Variants in SHANK1 observed in about 807,000 individuals in gnomAD.
SHANK1 encodes the protein SH3 and multiple ankyrin repeat domains 1.
SHANK1 carries 35 observed loss-of-function variants against 165.6 expected under a neutral mutation model. The ratio of observed to expected loss-of-function variants is 0.21; its 90% CI spans 0.16 to 0.28. The LOEUF (loss-of-function observed/expected upper bound fraction) is 0.28, where lower values mean the gene tolerates loss of function less well. Among genes scored for constraint, SHANK1 ranks in the 10% least tolerant of loss-of-function variants. The pLI is 1.00. For missense variants in SHANK1, 2,681 were observed against 3,036.4 expected (o/e 0.88, Z 2.75); for synonymous variants, 1,428 against 1,384.8 (o/e 1.03, Z -0.69).
At chr19:50,692,379 A>G (rs1223251162) in intron 15 of SHANK1, among the ~76,000 whole-genome samples, 2 of 151,560 alleles carry the variant, frequency 1.3e-5, no homozygotes, top group African/African-American at 4.9e-5. Flanking sequence ...TAAATGGGGA[A>G]ACCGAGGCAC....
At chr19:50,681,887 T>C (rs1034344930) in intron 21 of SHANK1, among the ~76,000 whole-genome samples, 4 of 152,096 alleles carry the variant, frequency 2.6e-5, no homozygotes, top group Non-Finnish European at 4.4e-5. Context: ...TCCTCCCACC[T>C]CGGCACACAC....
chr19:50,697,631 C>T lies in SHANK1; in HGVS notation c.1895G>A (p.Arg632Gln), dbSNP rs767742502. 6.2e-7 allele frequency: 1 copy of T among 1,613,992 alleles called. No homozygotes were observed. The highest frequency in any genetic ancestry group is 2.2e-5 in the East Asian group (1 of 44,884). Reference protein sequence around the residue: ...SRSDKAKRLFRHYTVGSYDSF... With the variant: ...SRSDKAKRLFQHYTVGSYDSF... Reference sequence around the variant, plus strand: ...GTCGTAGGAGCCCACGGTATAATGCCGGAAGAGTCTCTTTGCCTTGTCACT... The same window carrying T: ...GTCGTAGGAGCCCACGGTATAATGCTGGAAGAGTCTCTTTGCCTTGTCACT... The change falls in exon 14 of 24, where the codon CGG becomes CAG. Residue 632 changes from arginine to glutamine, a missense_variant. By Grantham distance (43) the Arg-to-Gln change is conservative. Transcript: ENST00000293441. The surrounding 1 kb of genome is among the most constrained non-coding windows in gnomAD (Gnocchi z 4.7).
Position 50,668,003 on chromosome 19 carries a change from G to C in SHANK1, c.3957C>G (p.Ala1319=). The change falls in exon 23 of 24, where the codon GCC becomes GCG. Residue 1319 remains alanine (A), a synonymous_variant. Coordinates refer to ENST00000293441, the MANE Select transcript of SHANK1 (RefSeq NM_016148.5). ...GYGGYGAGSR[A]YGGGGGSSAF... ...CGCTGCTGCCCCCGCCACCCCCGTA[G>C]GCTCGGCTACCGGCCCCGTAGCCGC... The C allele has an allele frequency of 4.1e-6, 6 of 1,473,996 alleles. No individual in the cohort carries two copies. Among genetic ancestry groups the C allele is most frequent in the Non-Finnish European group, 5.4e-6 (6 of 1,118,320 alleles). The allele number at this position is 1,473,996 out of a possible 1,614,324, so 91.3% of individuals were successfully genotyped here.
In SHANK1 at chr19:50,713,498, G is replaced by T. The variant is rs1430884191; in HGVS notation, c.792+300C>A. Among the ~76,000 whole-genome samples the T allele has an allele frequency of 6.6e-6, 1 of 152,056 alleles. No individual in the cohort carries two copies. The highest frequency in any genetic ancestry group is 1.5e-5 in the Non-Finnish European group (1 of 68,000). ...GGAATGAGAAGGGTTTACACCTTGG[G>T]GAGACAGAGGCAGATTTGGTATTAA... On this transcript the variant is annotated intron_variant, in intron 6 of 23. Coordinates refer to ENST00000293441, the MANE Select transcript of SHANK1 (RefSeq NM_016148.5). This position sits in a 1 kb window ranked among gnomAD's most constrained non-coding sequence, Gnocchi z 6.2.
chr19:50,682,674 G>T (rs954545795), intron 21 of SHANK1, among the ~76,000 whole-genome samples: 3 of 152,132 alleles, frequency 2.0e-5, no homozygotes, highest in South Asian at 4.1e-4. Context: ...ATACAGACTG[G>T]GGGGAGGCAT....
At chr19:50,703,284 CCCTGTCCTGGA>C (rs909653774) in intron 11 of SHANK1, among the ~76,000 whole-genome samples, 4 of 152,220 alleles carry the variant, frequency 2.6e-5, no homozygotes, top group African/African-American at 9.6e-5. Flanking sequence ...TGCCTGGGGC[CCCTGTCCTGGA>C]GCAGACATCC....
In SHANK1 at chr19:50,668,734, A is replaced by G. The variant is rs866475971; in HGVS notation, c.3226T>C (p.Ser1076Pro). ...HHGSAGGGGG[S>P]SQGPALRYFQ... The stretch of plus-strand genomic sequence containing the variant: ...TAGCGTAGAGCCGGGCCCTGGGAGG[A>G]GCCGCCGCCCCCGCCCGCGCTGCCG... Residue 1076 changes from serine (S) to proline (P), a missense_variant, in exon 23 of 24, where the codon TCC (serine) becomes CCC (proline). Physicochemically the swap from Ser to Pro is moderately conservative, Grantham distance 74. Around this residue, in one of 10 missense-constraint regions of SHANK1, gnomAD observed 1,713 missense variants for 1,630.2 expected, o/e 1.05. Transcript: ENST00000293441. 5.3e-5 allele frequency: 68 copies of G among 1,271,982 alleles called. No homozygotes were observed. The Middle Eastern group carries it at 2.1e-3, about 39-fold the overall frequency. 78.8% of individuals were successfully genotyped at this position (1,271,982 alleles called of 1,614,324 possible).
At chr19:50,700,157 G>A (rs527457963) in intron 12 of SHANK1, among the ~76,000 whole-genome samples, 26 of 139,496 alleles carry the variant, frequency 1.9e-4, no homozygotes, top group Non-Finnish European at 2.3e-4. Context: ...TGGAAGGCTC[G>A]GGCACTGGAA....
At position 50,666,540 on chromosome 19, in the gene SHANK1, G is replaced by C. The variant is rs184259943; in HGVS notation, c.5420C>G (p.Pro1807Arg). 1 of 1,595,976 alleles carries C rather than the reference G, an allele frequency of 6.3e-7. No homozygotes were observed. The highest frequency in any genetic ancestry group is 8.5e-7 in the Non-Finnish European group (1 of 1,173,818). ...CGGACCCCCCGCCACGCCTGCCGTG[G>C]GGGGTCCTGAACAAGCACGCAGGGC... ...LLALRACSGPPTAGVAGGPVA... is the reference protein window; with the variant it reads ...LLALRACSGPRTAGVAGGPVA... The change falls in exon 23 of 24, where the codon CCC becomes CGC. Residue 1807 changes from proline (P) to arginine (R), a missense_variant. Physicochemically the swap from Pro to Arg is moderately radical, Grantham distance 103. This residue lies in a region of SHANK1 where 1,713 missense variants were observed against 1,630.2 expected (regional missense o/e 1.05). Coordinates refer to ENST00000293441, the MANE Select transcript of SHANK1 (RefSeq NM_016148.5).
chr19:50,678,190 G>A (rs1986040821), intron 21 of SHANK1, among the ~76,000 whole-genome samples: 1 of 152,184 alleles, frequency 6.6e-6, no homozygotes, highest in South Asian at 2.1e-4. Context: ...CGAGTAAGGA[G>A]GAGATTCAAG....
intron 21 of SHANK1, among the ~76,000 whole-genome samples, chr19:50,679,536 C>T (rs1264462718): frequency 1.3e-5 from 2 of 152,144 alleles, no homozygotes; most frequent in Admixed American, 6.5e-5. Context: ...GCAGAAGGGA[C>T]AGCCAATCAG....
chr19:50,661,794 G>C lies in SHANK1; in HGVS notation c.*171C>G, dbSNP rs1322019381. The C allele has an allele frequency of 4.6e-6, 3 of 658,756 alleles. No homozygotes were observed. The African/African-American group carries it at 5.5e-5, about 12-fold the overall frequency. 40.8% of individuals were successfully genotyped at this position (658,756 alleles called of 1,614,324 possible). On this transcript the variant is annotated 3_prime_UTR_variant, in exon 24 of 24. Transcript: ENST00000293441. ...TGCCCCCCTTCAGTGAGGTGCAAAT[G>C]TCCGGCCTGGATTGGGCCACCTGGT...
Position 50,716,183 on chromosome 19 carries a change from T to G in SHANK1, c.459+92A>C. 8.1e-7 allele frequency: 1 copy of G among 1,234,202 alleles called. No homozygotes were observed. Among genetic ancestry groups the G allele is most frequent in the Non-Finnish European group, 1.2e-6 (1 of 849,558 alleles). The allele number at this position is 1,234,202 out of a possible 1,614,324, so 76.5% of individuals were successfully genotyped here. A position where few individuals can be genotyped will look rare whatever the true frequency, so the allele number is the denominator to read the frequency against. ...ACTCGCACACTGGGTGCCCCCTCGT[T>G]AAGGTTTCGAGTGTGTTAAAAAGTG... On this transcript the variant is annotated intron_variant, in intron 3 of 23. Transcript: ENST00000293441. The surrounding 1 kb of genome is among the most constrained non-coding windows in gnomAD (Gnocchi z 8.4).
chr19:50,685,066 A>G (rs1266797741), intron 21 of SHANK1, among the ~76,000 whole-genome samples: 3 of 152,228 alleles, frequency 2.0e-5, no homozygotes, highest in Admixed American at 6.5e-5. Flanking sequence ...CCTGACCACT[A>G]CGTGGTGGAT....
rs1177069210 is a variant in SHANK1, at chr19:50,669,188, G to A, written c.2772C>T (p.Pro924=). Reference sequence around the variant, plus strand: ...AGGGAGGCTCCGGTGGGGACGTGGTGGGTGGCGGGGGAATGTCCTCCGAAC... The same window carrying A: ...AGGGAGGCTCCGGTGGGGACGTGGTAGGTGGCGGGGGAATGTCCTCCGAAC... ...VPGSEDIPPP[P]TTSPPEPPYS... The change falls in exon 23 of 24, where the codon CCC becomes CCT. Residue 924 remains proline (P), a synonymous_variant. Transcript: ENST00000293441. 1 of 1,606,200 alleles carries A rather than the reference G, an allele frequency of 6.2e-7. No homozygotes were observed. The highest frequency in any genetic ancestry group is 8.5e-7 in the Non-Finnish European group (1 of 1,176,410).
intron 18 of SHANK1, 104 bp from the exon 19 acceptor site, chr19:50,687,766 G>C (rs530295796): frequency 1.5e-6 from 2 of 1,349,760 alleles, no homozygotes; most frequent in Admixed American, 2.3e-5. Flanking sequence ...CATTGCCAGC[G>C]TGCGGAGCCC....
In SHANK1 at chr19:50,718,873, G is replaced by A. The variant is rs1040865958; in HGVS notation, c.-44+533C>T. 5.4e-4 allele frequency among the ~76,000 whole-genome samples: 81 copies of A among 151,214 alleles called. No individual in the cohort carries two copies. The South Asian group carries it at 8.0e-3, about 15-fold the overall frequency. On this transcript the variant is annotated intron_variant, in intron 1 of 23. Transcript: ENST00000293441. This position sits in a 1 kb window ranked among gnomAD's most constrained non-coding sequence, Gnocchi z 5.1. ...AGCCGAGGGGGCGCGCCGGCCGGCG[G>A]TGTAGGGACTGGAGACCTGGTGGGG...
intron 21 of SHANK1, among the ~76,000 whole-genome samples, chr19:50,680,866 G>C (rs1005215053): frequency 1.8e-4 from 28 of 152,150 alleles, no homozygotes; most frequent in African/African-American, 6.5e-4. Flanking sequence ...TTGTTGGCCA[G>C]GCTGGTCTCA....
At chr19:50,669,355 G>A in intron 22 of SHANK1, 70 bp from the exon 23 acceptor site, 1 of 1,027,672 alleles carries the variant, frequency 9.7e-7, no homozygotes, top group South Asian at 1.4e-5. Context: ...CTATCCCATA[G>A]AACCGCAACA....
Sources: allele counts gnomAD v4.1 joint callset (sites outside exome capture counted in the v4.1 genomes callset), GRCh38; gene constraint gnomAD v4.1.1; regional missense constraint gnomAD v4.1.1; non-coding constraint Gnocchi (gnomAD v3.1); transcripts MANE v1.5; gene names NCBI Gene and HGNC (gene_info 2026-07-23, HGNC 2026-07-21).